Variants in CHID1 observed in about 807,000 individuals in gnomAD.
The protein encoded by CHID1 is chitinase domain-containing protein 1.
A neutral mutation model predicts 55.4 loss-of-function variants in CHID1; 44 were observed. The ratio of observed to expected loss-of-function variants is 0.79; its 90% confidence interval spans 0.62 to 1.02. CHID1 has a LOEUF of 1.02. CHID1 is among the 50% of genes least tolerant of loss of function. CHID1 has a pLI of 0.00. For missense variants in CHID1, 491 were observed against 515.3 expected (o/e 0.95, Z 0.46); for synonymous variants, 216 against 212.9 (o/e 1.01, Z -0.13).
chr11:891,072 T>G (rs1056069758), intron 8 of CHID1, among the ~76,000 whole-genome samples: 1 of 152,050 alleles, frequency 6.6e-6, no homozygotes, highest in African/African-American at 2.4e-5. Context: ...CTGCAGTGGC[T>G]GCTCTTCCCT....
chr11:910,293 G>A (rs1217376097), intron 1 of CHID1, among the ~76,000 whole-genome samples: 1 of 152,118 alleles, frequency 6.6e-6, no homozygotes, highest in East Asian at 1.9e-4. Flanking sequence ...CTCACTGGGA[G>A]GGCAGCCCGC....
upstream of CHID1, among the ~76,000 whole-genome samples, chr11:912,397 C>A (rs182179371): frequency 6.6e-6 from 1 of 152,204 alleles, no homozygotes; most frequent in African/African-American, 2.4e-5. Flanking sequence ...AGATGGGGCC[C>A]GCAGATGGGA....
chr11:908,844 C>T (rs1852424413), intron 1 of CHID1, among the ~76,000 whole-genome samples: 1 of 152,210 alleles, frequency 6.6e-6, no homozygotes, highest in African/African-American at 2.4e-5. Flanking sequence ...CCTATGACCT[C>T]CCTGCCCCCC....
At chr11:903,510 T>C (rs1051579967) in intron 2 of CHID1, 4 of 230,630 alleles carry the variant, frequency 1.7e-5, no homozygotes, top group East Asian at 1.3e-4. Context: ...GCTGGGTGCA[T>C]TGGCTCACGC....
chr11:896,884 A>G (rs1031954554), intron 7 of CHID1, among the ~76,000 whole-genome samples: 2 of 103,170 alleles, frequency 1.9e-5, no homozygotes, highest in Non-Finnish European at 4.1e-5. Context: ...CCCAGACACG[A>G]GCCTGTCTCA....
rs1851673311 is a variant in CHID1 at position 899,875 on chromosome 11, G to A, written c.546+129C>T. ...ATGCTGCCTTCCCTGGAAGATGGGG[G>A]CTGCACCAGAAGGTGCCCAGGGCAG... On this transcript the variant is annotated intron_variant, in intron 6 of 12. Coordinates refer to ENST00000323578, the MANE Select transcript of CHID1 (RefSeq NM_023947.4). 2.9e-5 allele frequency: 19 copies of A among 650,740 alleles called. No individual in the cohort carries two copies. The South Asian group carries it at 3.4e-4, about 12-fold the overall frequency. 40.3% of individuals were successfully genotyped at this position (650,740 alleles called of 1,614,324 possible).
chr11:910,922 A>G (rs959559598), upstream of CHID1: 6 of 779,150 alleles, frequency 7.7e-6, no homozygotes, highest in African/African-American at 1.9e-5. Flanking sequence ...GGGACTGGGC[A>G]GGGCTGCCCG....
intron 1 of CHID1, chr11:910,503 C>T: frequency 1.3e-6 from 1 of 751,128 alleles, no homozygotes; most frequent in Non-Finnish European, 1.8e-6. Flanking sequence ...CACTCGCGGT[C>T]CCCCCGACAC....
At position 900,932 on chromosome 11, in the gene CHID1, T is replaced by C. The variant is rs1347647141; in HGVS notation, c.439+4A>G. On this transcript the variant is annotated splice_donor_region_variant and intron_variant, in intron 5 of 12. Transcript: ENST00000323578. Reference sequence around the variant, plus strand: ...GGCCTCCACTCCTGGCCTGCCGCACTTACCTATGTGCAGGCCCTTGGCATG... The same window carrying C: ...GGCCTCCACTCCTGGCCTGCCGCACCTACCTATGTGCAGGCCCTTGGCATG... 3.1e-6 allele frequency: 5 copies of C among 1,600,894 alleles called. No homozygotes were observed. Among genetic ancestry groups the C allele is most frequent in the Non-Finnish European group, 4.3e-6 (5 of 1,174,536 alleles).
intron 10 of CHID1, among the ~76,000 whole-genome samples, chr11:881,758 T>G (rs562843181): frequency 2.0e-5 from 3 of 151,902 alleles, no homozygotes; most frequent in Admixed American, 6.6e-5. Flanking sequence ...TCCCAGCACT[T>G]TGGGAGGCTG....
At chr11:901,087 G>A in intron 4 of CHID1, 107 bp from the exon 5 acceptor site, 6 of 964,290 alleles carry the variant, frequency 6.2e-6, no homozygotes, top group Non-Finnish European at 9.1e-6. Context: ...CAATGGGAAG[G>A]GCAGGGGCGG....
At chr11:893,800 G>A (rs1851032530) in intron 7 of CHID1, among the ~76,000 whole-genome samples, 1 of 151,740 alleles carries the variant, frequency 6.6e-6, no homozygotes, top group Admixed American at 6.6e-5. Context: ...CCCCACGTGT[G>A]TACATCACAC....
chr11:876,447 G>C (rs961580869), intron 10 of CHID1, among the ~76,000 whole-genome samples: 1 of 152,170 alleles, frequency 6.6e-6, no homozygotes, highest in Non-Finnish European at 1.5e-5. Flanking sequence ...AAGGAGCTGC[G>C]AACACGGCCC....
rs371483155 is a variant in CHID1 at position 902,309 on chromosome 11, C to G, written c.283G>C (p.Val95Leu). Residue 95 changes from valine to leucine, a missense_variant, in exon 4 of 13, where the codon GTC becomes CTC. By Grantham distance (32) the Val-to-Leu change is conservative. Coordinates refer to ENST00000323578, the MANE Select transcript of CHID1 (RefSeq NM_023947.4). The part of the protein sequence containing the change: ...VTPWNSHGYD[V>L]TKVFGSKFTQ... The stretch of plus-strand genomic sequence containing the variant: ...AACTTGCTCCCAAAGACCTTGGTGA[C>G]ATCGTAGCCATGGCTGTTCCACTGG... 9 of 1,613,104 alleles carry G rather than the reference C, an allele frequency of 5.6e-6. No individual in the cohort carries two copies. The African/African-American group carries it at 9.3e-5, about 17-fold the overall frequency.
At chr11:884,711 C>G (rs1850264121) in intron 8 of CHID1, among the ~76,000 whole-genome samples, 1 of 152,214 alleles carries the variant, frequency 6.6e-6, no homozygotes, top group Non-Finnish European at 1.5e-5. Flanking sequence ...GCTTGGCTCC[C>G]AGGGATGGAG....
chr11:884,247 T>C, intron 8 of CHID1, 78 bp from the exon 9 acceptor site: 1 of 1,096,340 alleles, frequency 9.1e-7, no homozygotes, highest in African/African-American at 1.6e-5. Flanking sequence ...TCGAGCAAGC[T>C]GCCTGTAGGG....
intron 8 of CHID1, among the ~76,000 whole-genome samples, chr11:890,645 A>AT (rs1251384821): frequency 6.6e-6 from 1 of 152,184 alleles, no homozygotes; most frequent in Non-Finnish European, 1.5e-5. Context: ...TTCTGCTCCC[A>AT]TGTTAAGGAT....
Position 894,200 on chromosome 11 carries a change from G to A in CHID1, c.609-681C>T, listed in dbSNP as rs979613971. ...CCCAGCAGGCCCAGGACACTGATCCGAGGGTGGCCGCAGGGCACTCCAAGG... is the reference window on the plus strand; with the variant it reads ...CCCAGCAGGCCCAGGACACTGATCCAAGGGTGGCCGCAGGGCACTCCAAGG... On this transcript the variant is annotated intron_variant, in intron 7 of 12. Transcript: ENST00000323578. Among the ~76,000 whole-genome samples, 9 of 151,412 alleles carry A rather than the reference G, an allele frequency of 5.9e-5. No homozygotes were observed. In the South Asian group the frequency reaches 8.4e-4, roughly 14 times the overall value.
Position 869,847 on chromosome 11 carries a change from G to C in CHID1, c.*11C>G. 1 of 1,610,176 alleles carries C rather than the reference G, an allele frequency of 6.2e-7. No individual in the cohort carries two copies. Among genetic ancestry groups the C allele is most frequent in the Non-Finnish European group, 8.5e-7 (1 of 1,177,330 alleles). ...AAAGAACACGTCCACCGCGGAGGCCGCAATGCCCACCTAGAGCAGGTCGTA... is the reference window on the plus strand; with the variant it reads ...AAAGAACACGTCCACCGCGGAGGCCCCAATGCCCACCTAGAGCAGGTCGTA... On this transcript the variant is annotated 3_prime_UTR_variant, in exon 13 of 13. Coordinates refer to ENST00000323578, the MANE Select transcript of CHID1 (RefSeq NM_023947.4).
Sources: gnomAD v4.1 joint callset for allele counts (sites outside exome capture counted in the v4.1 genomes callset) on GRCh38, gnomAD v4.1.1 for gene constraint, MANE v1.5 for transcripts, NCBI Gene and HGNC (gene_info 2026-07-23, HGNC 2026-07-21) for gene names.